LSAMP: variants seen among roughly 807,000 people sequenced by gnomAD.
The protein encoded by LSAMP is limbic system associated membrane protein, also known as limbic system-associated membrane protein.
Under a neutral mutation model 38.6 loss-of-function variants are expected in LSAMP, and 7 were observed. The ratio of observed to expected loss-of-function variants is 0.18; its 90% confidence interval spans 0.10 to 0.34. The LOEUF is 0.34. LSAMP is among the 10% of genes least tolerant of loss of function. The probability of loss-of-function intolerance (pLI) is 1.00; values close to 1 mark genes in which losing one functional copy is unlikely to be tolerated. For synonymous variants in LSAMP, 154 were observed against 166.8 expected (o/e 0.92, Z 0.59); for missense variants, 313 against 420.0 (o/e 0.75, Z 2.23).
chr3:116,129,655 A>G (rs1370258772), intron 1 of LSAMP, among the ~76,000 whole-genome samples: 2 of 152,236 alleles, frequency 1.3e-5, no homozygotes, highest in Non-Finnish European at 2.9e-5. Flanking sequence ...TGTGGCATTA[A>G]TGAAGCAATC....
intron 1 of LSAMP, among the ~76,000 whole-genome samples, chr3:116,210,047 C>T (rs2046134591): frequency 6.6e-6 from 1 of 152,146 alleles, no homozygotes; most frequent in African/African-American, 2.4e-5. Flanking sequence ...AGCCACTGAG[C>T]CCGGCCGAGA....
rs188581270 is a variant in LSAMP, at chr3:116,108,338, A to G, written c.156-21782T>C. On this transcript the variant is annotated intron_variant, in intron 1 of 6. Transcript: ENST00000490035. The stretch of plus-strand genomic sequence containing the variant: ...GGATAACTAAAAAGGAGTGCTTAAA[A>G]GAGTACTGTCTAAGTTGGCTCCACA... 9.8e-4 allele frequency among the ~76,000 whole-genome samples: 149 copies of G among 152,234 alleles called. 1 individual carries two copies. Among genetic ancestry groups the G allele is most frequent in the Admixed American group, 2.9e-3 (44 of 15,300 alleles).
At chr3:116,302,306 C>T (rs1188952097) in intron 1 of LSAMP, among the ~76,000 whole-genome samples, 1 of 152,174 alleles carries the variant, frequency 6.6e-6, no homozygotes, top group Non-Finnish European at 1.5e-5. Context: ...TCCCCCATGA[C>T]TCACTGTCGC....
At chr3:116,249,737 G>A (rs1189845744) in intron 1 of LSAMP, among the ~76,000 whole-genome samples, 14 of 151,728 alleles carry the variant, frequency 9.2e-5, no homozygotes, top group African/African-American at 3.2e-4. Flanking sequence ...AGAGAGTCCC[G>A]AAAAATTAGT....
intron 2 of LSAMP, among the ~76,000 whole-genome samples, chr3:116,046,593 G>C (rs1164543927): frequency 6.6e-6 from 1 of 152,164 alleles, no homozygotes; most frequent in East Asian, 1.9e-4. Context: ...TTGGAGGCTG[G>C]AGCAGACGGA....
At chr3:116,031,490 G>C (rs1239804938) in intron 2 of LSAMP, among the ~76,000 whole-genome samples, 1 of 135,854 alleles carries the variant, frequency 7.4e-6, no homozygotes, top group Non-Finnish European at 1.5e-5. Context: ...GTGCTTGTAA[G>C]GATCTCTTAA....
chr3:115,985,424 T>C (rs955930094), intron 3 of LSAMP, among the ~76,000 whole-genome samples: 4 of 152,148 alleles, frequency 2.6e-5, no homozygotes, highest in Admixed American at 2.0e-4. Context: ...CTTAACCGAG[T>C]AAGCAGATTG....
intron 2 of LSAMP, among the ~76,000 whole-genome samples, chr3:116,052,337 C>T (rs571611320): frequency 3.0e-4 from 45 of 152,148 alleles, no homozygotes; most frequent in Non-Finnish European, 5.6e-4. Context: ...AACACCCCAA[C>T]TCAAAATTTA....
intron 2 of LSAMP, among the ~76,000 whole-genome samples, chr3:116,058,004 T>C (rs1047299873): frequency 6.7e-6 from 1 of 149,244 alleles, no homozygotes; most frequent in African/African-American, 2.5e-5. Context: ...TTTATTCTAG[T>C]GAACCTAGAG....
At chr3:116,150,042 A>AGAATGT (rs1709577072) in intron 1 of LSAMP, among the ~76,000 whole-genome samples, 1 of 152,110 alleles carries the variant, frequency 6.6e-6, no homozygotes, top group South Asian at 2.1e-4. Context: ...GATGACTTAC[A>AGAATGT]GAATGTGGAA....
At chr3:116,415,834 A>G (rs115430286) in intron 1 of LSAMP, among the ~76,000 whole-genome samples, 2 of 152,294 alleles carry the variant, frequency 1.3e-5, no homozygotes, top group African/African-American at 2.4e-5. Flanking sequence ...CTTTGGGCAT[A>G]CAAGGGGTGA....
At chr3:115,953,027 A>G (rs181299583) in intron 3 of LSAMP, among the ~76,000 whole-genome samples, 18 of 152,298 alleles carry the variant, frequency 1.2e-4, no homozygotes, top group Non-Finnish European at 2.4e-4. Context: ...CAAAGTCATG[A>G]GAGATAGTGG....
Position 116,109,195 on chromosome 3 carries a change from C to T in LSAMP, c.156-22639G>A, listed in dbSNP as rs547268075. Among the ~76,000 whole-genome samples, 12 of 152,226 alleles carry T rather than the reference C, an allele frequency of 7.9e-5. 1 individual carries two copies. In the South Asian group the frequency reaches 2.5e-3, roughly 32 times the overall value. On this transcript the variant is annotated intron_variant, in intron 1 of 6. Transcript: ENST00000490035. ...AAAGGAGCATTAACCTTGACTATGCCTTTGGCTCCAGCCACCTTTTTAAGA... is the reference window on the plus strand; with the variant it reads ...AAAGGAGCATTAACCTTGACTATGCTTTTGGCTCCAGCCACCTTTTTAAGA...
intron 3 of LSAMP, among the ~76,000 whole-genome samples, chr3:115,877,731 G>C (rs1936219081): frequency 6.6e-6 from 1 of 152,078 alleles, no homozygotes; most frequent in South Asian, 2.1e-4. Context: ...TGATATCCTG[G>C]CCAAAGCTTC....
intron 3 of LSAMP, among the ~76,000 whole-genome samples, chr3:115,976,593 T>C (rs1225665257): frequency 1.3e-5 from 2 of 152,162 alleles, no homozygotes; most frequent in South Asian, 2.1e-4. Flanking sequence ...TCAGGATTCA[T>C]AGTGAGTGAT....
intron 1 of LSAMP, among the ~76,000 whole-genome samples, chr3:116,359,761 C>G (rs975537588): frequency 6.6e-6 from 1 of 152,004 alleles, no homozygotes; most frequent in Non-Finnish European, 1.5e-5. Context: ...TAGAACTGCA[C>G]CATTTTCTAG....
chr3:116,329,850 GA>G (rs766984264), intron 1 of LSAMP, among the ~76,000 whole-genome samples: 4 of 150,844 alleles, frequency 2.7e-5, no homozygotes, highest in East Asian at 2.0e-4. Flanking sequence ...AAATAAAACA[GA>G]AAAAAAAGCT....
intron 1 of LSAMP, among the ~76,000 whole-genome samples, chr3:116,422,154 T>C (rs568832559): frequency 6.6e-6 from 1 of 152,330 alleles, no homozygotes; most frequent in South Asian, 2.1e-4. Flanking sequence ...AAAAACATTA[T>C]GCTAAGGCAA....
chr3:116,253,809 T>A (rs1185533708), intron 1 of LSAMP, among the ~76,000 whole-genome samples: 1 of 152,228 alleles, frequency 6.6e-6, no homozygotes, highest in African/African-American at 2.4e-5. Context: ...AGTGGTATGA[T>A]TCAAGTTGCT....
Sources: allele counts gnomAD v4.1 joint callset (sites outside exome capture counted in the v4.1 genomes callset), GRCh38; gene constraint gnomAD v4.1.1; transcripts MANE v1.5; gene names NCBI Gene and HGNC (gene_info 2026-07-23, HGNC 2026-07-21).